BCAS3: variants seen among roughly 807,000 people sequenced by gnomAD.
BCAS3 encodes BCAS3 microtubule associated cell migration factor, also known as BCAS4/BCAS3 fusion.
Under a neutral mutation model 116.1 loss-of-function variants are expected in BCAS3, and 53 were observed. That is an observed-to-expected ratio of 0.46 (90% CI 0.37 to 0.57). The LOEUF (loss-of-function observed/expected upper bound fraction) is 0.57, where lower values mean the gene tolerates loss of function less well. Ranked by LOEUF, BCAS3 falls within the 20% of genes least tolerant of loss-of-function variation. The pLI is 0.00. For synonymous variants in BCAS3, 391 were observed against 408.2 expected, an observed-to-expected ratio of 0.96 and a Z score of 0.51; for missense variants, 917 against 1,165.4, an observed-to-expected ratio of 0.79 and a Z score of 3.10.
At chr17:60,863,598 A>AAAAT (rs1486512980) in intron 7 of BCAS3, among the ~76,000 whole-genome samples, 2 of 151,990 alleles carry the variant, frequency 1.3e-5, no homozygotes, top group African/African-American at 2.4e-5. Flanking sequence ...AAAATAAAAT[A>AAAAT]AAAAAATTAG....
intron 4 of BCAS3, among the ~76,000 whole-genome samples, chr17:60,700,173 C>CA (rs531616609): frequency 0.021 from 2,578 of 121,506 alleles, 40 homozygotes; most frequent in South Asian, 0.034. Context: ...GACCCTGTCT[C>CA]AAAAAAAAAA....
chr17:60,803,933 C>G (rs1335354641), intron 6 of BCAS3, among the ~76,000 whole-genome samples: 2 of 149,712 alleles, frequency 1.3e-5, no homozygotes, highest in African/African-American at 4.9e-5. Context: ...TCTTGAGTAG[C>G]TGGGATTACA....
chr17:60,826,502 T>A (rs2050441148), intron 7 of BCAS3, among the ~76,000 whole-genome samples: 1 of 152,084 alleles, frequency 6.6e-6, no homozygotes, highest in Non-Finnish European at 1.5e-5. Flanking sequence ...AGCATATGAA[T>A]TTTGGGGGAC....
chr17:60,873,440 G>GA (rs2055311370), intron 8 of BCAS3, among the ~76,000 whole-genome samples: 1 of 151,950 alleles, frequency 6.6e-6, no homozygotes, highest in South Asian at 2.1e-4. Flanking sequence ...TTCCAATTTT[G>GA]AAAAATAAGC....
At position 61,020,837 on chromosome 17, in the gene BCAS3, G is replaced by A. The variant is rs1413230636; in HGVS notation, c.1637+4936G>A. Among the ~76,000 whole-genome samples the A allele has an allele frequency of 6.6e-6, 1 of 152,140 alleles. No individual in the cohort carries two copies. Among genetic ancestry groups the A allele is most frequent in the African/African-American group, 2.4e-5 (1 of 41,420 alleles). ...CCAAATTATTTTATGGACACAAGCA[G>A]AGAACAGTAAATTTCAAAAAGAAGT... On this transcript the variant is annotated intron_variant, in intron 16 of 23. Coordinates refer to ENST00000407086, the MANE Select transcript of BCAS3 (RefSeq NM_017679.5). This position sits in a 1 kb window ranked among gnomAD's most constrained non-coding sequence, Gnocchi z 4.5.
chr17:60,766,962 T>G (rs1055818033), intron 6 of BCAS3, among the ~76,000 whole-genome samples: 7 of 152,192 alleles, frequency 4.6e-5, no homozygotes, highest in African/African-American at 1.7e-4. Flanking sequence ...GGACTGCTGC[T>G]CTAGCAGTGA....
chr17:61,143,630 G>A (rs1467680012), intron 22 of BCAS3, among the ~76,000 whole-genome samples: 1 of 151,870 alleles, frequency 6.6e-6, no homozygotes, highest in African/African-American at 2.4e-5. Flanking sequence ...CCAATATGGC[G>A]AGACCCCGCC....
At chr17:60,699,463 T>G (rs150055991) in intron 4 of BCAS3, among the ~76,000 whole-genome samples, 225 of 152,262 alleles carry the variant, frequency 1.5e-3, no homozygotes, top group African/African-American at 3.6e-3. Context: ...TCAAGTGATC[T>G]GCCCACCTCA....
Position 61,286,738 on chromosome 17 carries a change from C to G in BCAS3, c.2426-81589C>G, listed in dbSNP as rs1027631406. Among the ~76,000 whole-genome samples the G allele has an allele frequency of 6.6e-6, 1 of 152,136 alleles. No individual in the cohort carries two copies. The highest frequency in any genetic ancestry group is 1.5e-5 in the Non-Finnish European group (1 of 68,034). Reference sequence around the variant, plus strand: ...GTTGGACTGTAAATATGTTTGGTCTCTAAACTCTGCCACGGGCTTACCAGA... The same window carrying G: ...GTTGGACTGTAAATATGTTTGGTCTGTAAACTCTGCCACGGGCTTACCAGA... On this transcript the variant is annotated intron_variant, in intron 22 of 23. Transcript: ENST00000407086. The surrounding 1 kb of genome is among the most constrained non-coding windows in gnomAD (Gnocchi z 4.8).
At chr17:60,935,285 G>A (rs2059860032) in intron 13 of BCAS3, among the ~76,000 whole-genome samples, 1 of 152,020 alleles carries the variant, frequency 6.6e-6, no homozygotes, top group Non-Finnish European at 1.5e-5. Flanking sequence ...TAAATGTGAT[G>A]TTAATATAGT....
chr17:61,167,010 G>A (rs2078546259), intron 22 of BCAS3, among the ~76,000 whole-genome samples: 1 of 152,174 alleles, frequency 6.6e-6, no homozygotes, highest in Non-Finnish European at 1.5e-5. Flanking sequence ...GCCTTCCAAA[G>A]TGCTGGGATT....
At position 60,962,930 on chromosome 17, in the gene BCAS3, G is replaced by A. The variant is rs1046277094; in HGVS notation, c.1221+15578G>A. 1.3e-5 allele frequency among the ~76,000 whole-genome samples: 2 copies of A among 152,158 alleles called. No individual in the cohort carries two copies. The highest frequency in any genetic ancestry group is 2.9e-5 in the Non-Finnish European group (2 of 68,014). ...TTGATTTTTGTTATGGTGAGAGATAGAGGTCTAGTTTCATTCTTCTGCATA... is the reference window on the plus strand; with the variant it reads ...TTGATTTTTGTTATGGTGAGAGATAAAGGTCTAGTTTCATTCTTCTGCATA... On this transcript the variant is annotated intron_variant, in intron 14 of 23. Coordinates refer to ENST00000407086, the MANE Select transcript of BCAS3 (RefSeq NM_017679.5). The surrounding 1 kb of genome is among the most constrained non-coding windows in gnomAD (Gnocchi z 4.4).
chr17:61,318,514 T>C (rs2054930269), intron 22 of BCAS3, among the ~76,000 whole-genome samples: 1 of 152,182 alleles, frequency 6.6e-6, no homozygotes, highest in Non-Finnish European at 1.5e-5. Flanking sequence ...TTGACAAATG[T>C]GGGCATTTCC....
intron 6 of BCAS3, among the ~76,000 whole-genome samples, chr17:60,770,032 C>G (rs1474725642): frequency 6.6e-6 from 1 of 152,064 alleles, no homozygotes; most frequent in Non-Finnish European, 1.5e-5. Context: ...CTCGGCCTCC[C>G]AAAGTGCTGG....
rs746614564 is a variant in BCAS3, at chr17:61,338,034, G to A, written c.2426-30293G>A. Among the ~76,000 whole-genome samples the A allele has an allele frequency of 4.6e-5, 7 of 152,122 alleles. No homozygotes were observed. The East Asian group carries it at 5.8e-4, about 13-fold the overall frequency. On this transcript the variant is annotated intron_variant, in intron 22 of 23. Transcript: ENST00000407086. The stretch of plus-strand genomic sequence containing the variant: ...AACTCAAAGTTAGGTCGAATGTCAC[G>A]CTTAATGTTGTATCTCAGTGACTAA...
intron 4 of BCAS3, among the ~76,000 whole-genome samples, chr17:60,705,573 A>G (rs1332286214): frequency 6.6e-6 from 1 of 152,010 alleles, no homozygotes; most frequent in Non-Finnish European, 1.5e-5. Flanking sequence ...GGCAAAAAAG[A>G]TGAGATGTGA....
chr17:61,329,888 A>T (rs1028314368), intron 22 of BCAS3, among the ~76,000 whole-genome samples: 1 of 152,160 alleles, frequency 6.6e-6, no homozygotes, highest in African/African-American at 2.4e-5. Flanking sequence ...GCTGTCCCTG[A>T]TTATGAAGTT....
intron 22 of BCAS3, among the ~76,000 whole-genome samples, chr17:61,210,611 T>C (rs2081401548): frequency 6.6e-6 from 1 of 152,228 alleles, no homozygotes; most frequent in African/African-American, 2.4e-5. Context: ...CTGAAATTGC[T>C]CTGTGACCAG....
At chr17:61,059,846 T>C (rs1046893615) in intron 19 of BCAS3, among the ~76,000 whole-genome samples, 1 of 151,978 alleles carries the variant, frequency 6.6e-6, no homozygotes, top group Non-Finnish European at 1.5e-5. Flanking sequence ...GCCAACATGG[T>C]GAAACCCTGT....
Sources: allele counts gnomAD v4.1 joint callset (sites outside exome capture counted in the v4.1 genomes callset), GRCh38; gene constraint gnomAD v4.1.1; non-coding constraint Gnocchi (gnomAD v3.1); transcripts MANE v1.5; gene names NCBI Gene and HGNC (gene_info 2026-07-23, HGNC 2026-07-21).